Variants in EEIG2 observed in about 807,000 individuals in gnomAD.
EEIG2 encodes the protein family with sequence similarity 102 member B.
chr1:108,606,992 A>G, the EEIG2 span, among the ~76,000 whole-genome samples: 1 of 152,142 alleles, frequency 6.6e-6, no homozygotes, highest in Non-Finnish European at 1.5e-5. Flanking sequence ...TTCCATATCT[A>G]CCAAACACCC....
chr1:108,568,375 TC>T, the EEIG2 span, among the ~76,000 whole-genome samples: 239 of 152,248 alleles, frequency 1.6e-3, 1 homozygote, highest in African/African-American at 4.3e-3. Flanking sequence ...TTGAGGGTTA[TC>T]AAATGGAGGT....
At chr1:108,575,529 T>C in the EEIG2 span, among the ~76,000 whole-genome samples, 1 of 152,202 alleles carries the variant, frequency 6.6e-6, no homozygotes, top group Non-Finnish European at 1.5e-5. Flanking sequence ...TTAGCACCAT[T>C]ATTTATAACA....
the EEIG2 span, chr1:108,625,421 G>T: frequency 2.0e-5 from 3 of 152,172 alleles, no homozygotes; most frequent in Non-Finnish European, 4.4e-5. Context: ...ATGTGAACAG[G>T]ATGTATTGTT....
At chr1:108,580,487 G>T in the EEIG2 span, among the ~76,000 whole-genome samples, 2 of 152,186 alleles carry the variant, frequency 1.3e-5, no homozygotes, top group African/African-American at 2.4e-5. Context: ...GCTGAGATAG[G>T]CCAAAAGCTA....
At chr1:108,601,204 A>G in the EEIG2 span, among the ~76,000 whole-genome samples, 5 of 152,204 alleles carry the variant, frequency 3.3e-5, no homozygotes, top group Middle Eastern at 3.4e-3. Flanking sequence ...ATTAGGTTGA[A>G]GCAAATTACC....
At chr1:108,586,024 T>G in the EEIG2 span, among the ~76,000 whole-genome samples, 1 of 152,158 alleles carries the variant, frequency 6.6e-6, no homozygotes, top group South Asian at 2.1e-4. Flanking sequence ...ATTATACTTG[T>G]GAAAATACCA....
At chr1:108,624,623 G>T in the EEIG2 span, 1 of 1,607,832 alleles carries the variant, frequency 6.2e-7, no homozygotes, top group Non-Finnish European at 8.5e-7. Context: ...CACAACTCCA[G>T]TTCGTAAATG....
chr1:108,602,266 T>G, the EEIG2 span, among the ~76,000 whole-genome samples: 3 of 152,120 alleles, frequency 2.0e-5, no homozygotes, highest in Non-Finnish European at 4.4e-5. Flanking sequence ...AATAGCACAC[T>G]CTGGGTGGCT....
the EEIG2 span, among the ~76,000 whole-genome samples, chr1:108,561,598 T>A: frequency 6.6e-6 from 1 of 152,198 alleles, no homozygotes; most frequent in African/African-American, 2.4e-5. Context: ...TGGGGCAATA[T>A]TGAAGCCTAT....
At chr1:108,601,460 T>A in the EEIG2 span, among the ~76,000 whole-genome samples, 4 of 151,460 alleles carry the variant, frequency 2.6e-5, no homozygotes, top group African/African-American at 9.7e-5. Flanking sequence ...TTTTAAGTAT[T>A]ACATAAAATA....
At chr1:108,638,499 G>A in the EEIG2 span, 2 of 152,230 alleles carry the variant, frequency 1.3e-5, no homozygotes, top group African/African-American at 2.4e-5. Flanking sequence ...ATACTCTGAA[G>A]TGTCAGGCTT....
chr1:108,576,278 T>C, the EEIG2 span, among the ~76,000 whole-genome samples: 1 of 152,238 alleles, frequency 6.6e-6, no homozygotes, highest in African/African-American at 2.4e-5. Context: ...TATTTCACTT[T>C]ATTGTGCTTT....
the EEIG2 span, among the ~76,000 whole-genome samples, chr1:108,585,459 A>G: frequency 6.6e-6 from 1 of 152,150 alleles, no homozygotes; most frequent in Non-Finnish European, 1.5e-5. Flanking sequence ...GTAACACAAT[A>G]TAAGGCATAA....
chr1:108,610,292 G>A, the EEIG2 span, among the ~76,000 whole-genome samples: 1 of 152,220 alleles, frequency 6.6e-6, no homozygotes, highest in African/African-American at 2.4e-5. Flanking sequence ...TTGAGTGGGT[G>A]AGAGGAGAGT....
the EEIG2 span, among the ~76,000 whole-genome samples, chr1:108,614,125 T>G: frequency 6.7e-6 from 1 of 150,164 alleles, no homozygotes; most frequent in Non-Finnish European, 1.5e-5. Flanking sequence ...TACTTCCCTG[T>G]CTATCCAGCT....
At chr1:108,612,164 C>T in the EEIG2 span, 8 of 1,579,392 alleles carry the variant, frequency 5.1e-6, no homozygotes, top group African/African-American at 1.1e-4. Flanking sequence ...ATATAATTCT[C>T]TTTCTTTTCA....
the EEIG2 span, chr1:108,560,684 G>A: frequency 8.3e-7 from 1 of 1,211,602 alleles, no homozygotes; most frequent in Non-Finnish European, 1.1e-6. Flanking sequence ...AAAATCAGTC[G>A]AATTTATTGA....
the EEIG2 span, among the ~76,000 whole-genome samples, chr1:108,606,416 C>T: frequency 2.6e-5 from 4 of 152,296 alleles, no homozygotes; most frequent in Non-Finnish European, 1.5e-5. Context: ...AAATTATAGG[C>T]ATATTCTTTC....
At chr1:108,567,582 T>C in the EEIG2 span, among the ~76,000 whole-genome samples, 1 of 152,246 alleles carries the variant, frequency 6.6e-6, no homozygotes, top group African/African-American at 2.4e-5. Context: ...TAAATATATG[T>C]AGTATAACTT....
Sources: allele counts gnomAD v4.1 joint callset (sites outside exome capture counted in the v4.1 genomes callset), GRCh38; gene constraint gnomAD v4.1.1; transcripts MANE v1.5; gene names NCBI Gene and HGNC (gene_info 2026-07-23, HGNC 2026-07-21).